The following PARD3B variants were observed in gnomAD, a reference collection of about 807,000 sequenced individuals.
The protein encoded by PARD3B is partitioning defective 3 homolog B.
Under a neutral mutation model 130.2 loss-of-function variants are expected in PARD3B, and 103 were observed. That is an observed-to-expected ratio of 0.79 (90% CI 0.67 to 0.93). PARD3B has a LOEUF of 0.93. Ranked by LOEUF, PARD3B falls within the 40% of genes least tolerant of loss-of-function variation. PARD3B has a pLI of 0.00. For synonymous variants in PARD3B, 583 were observed against 553.2 expected (o/e 1.05, Z -0.76); for missense variants, 1,609 against 1,499.2 (o/e 1.07, Z -1.21).
Position 205,564,180 on chromosome 2 carries a change from T to A in PARD3B, c.3260+10777T>A. 6.6e-6 allele frequency among the ~76,000 whole-genome samples: 1 copy of A among 152,206 alleles called. No individual in the cohort carries two copies. Among genetic ancestry groups the A allele is most frequent in the East Asian group, 1.9e-4 (1 of 5,188 alleles). On this transcript the variant is annotated intron_variant, in intron 22 of 22. Transcript: ENST00000406610. This position sits in a 1 kb window ranked among gnomAD's most constrained non-coding sequence, Gnocchi z 4.6. ...CTGCATCTGAAATTTCTGGGCTTTCTGCAGCATCAAGGTGTCTGGTACTAG... is the reference window on the plus strand; with the variant it reads ...CTGCATCTGAAATTTCTGGGCTTTCAGCAGCATCAAGGTGTCTGGTACTAG...
In PARD3B at chr2:204,711,823, C is replaced by T. The variant is rs188126908; in HGVS notation, c.222+25541C>T. On this transcript the variant is annotated intron_variant, in intron 2 of 22. Coordinates refer to ENST00000406610, the MANE Select transcript of PARD3B (RefSeq NM_001302769.2). ...TCGGCCTCCCAAAGTGCTGGGATTA[C>T]AGACGTGAGCCATTGTACCCCGCCA... is the stretch of plus-strand genomic sequence containing the variant. Among the ~76,000 whole-genome samples, 420 of 152,272 alleles carry T rather than the reference C, an allele frequency of 2.8e-3. 1 individual carries two copies. Among genetic ancestry groups the T allele is most frequent in the African/African-American group, 9.9e-3 (413 of 41,564 alleles).
chr2:204,797,312 A>T (rs2042409986), intron 2 of PARD3B, among the ~76,000 whole-genome samples: 1 of 152,074 alleles, frequency 6.6e-6, no homozygotes, highest in Non-Finnish European at 1.5e-5. Context: ...AAATTTGGTT[A>T]TGGGACTCGA....
chr2:205,310,543 A>T (rs2042343549), intron 18 of PARD3B, among the ~76,000 whole-genome samples: 1 of 151,768 alleles, frequency 6.6e-6, no homozygotes, highest in Non-Finnish European at 1.5e-5. Context: ...CTCTCTTTCC[A>T]TGAGTTCGAC....
At chr2:204,697,305 C>A (rs983975124) in intron 2 of PARD3B, among the ~76,000 whole-genome samples, 1 of 152,078 alleles carries the variant, frequency 6.6e-6, no homozygotes, top group African/African-American at 2.4e-5. Flanking sequence ...GACTGAGGAA[C>A]CTGGGACTAC....
intron 21 of PARD3B, among the ~76,000 whole-genome samples, chr2:205,547,279 G>A (rs1156753126): frequency 2.0e-5 from 3 of 152,124 alleles, no homozygotes; most frequent in African/African-American, 7.2e-5. Context: ...GCACCAGAGA[G>A]TCTGGCTTTC....
intron 19 of PARD3B, among the ~76,000 whole-genome samples, chr2:205,434,774 T>C (rs2047452313): frequency 6.6e-6 from 1 of 152,184 alleles, no homozygotes; most frequent in Non-Finnish European, 1.5e-5. Context: ...AAAGGGATCA[T>C]GAGAAATCAA....
intron 2 of PARD3B, among the ~76,000 whole-genome samples, chr2:204,695,305 A>G (rs1439265740): frequency 6.6e-6 from 1 of 151,934 alleles, no homozygotes; most frequent in African/African-American, 2.4e-5. Flanking sequence ...CTTACGAATT[A>G]CAATCTCATT....
At chr2:205,118,856 C>G in intron 6 of PARD3B, 65 bp from the exon 7 acceptor site, 1 of 1,124,896 alleles carries the variant, frequency 8.9e-7, no homozygotes, top group Non-Finnish European at 1.2e-6. Context: ...TGAATAGTTG[C>G]AAGTGGAGAA....
At chr2:205,436,429 G>A (rs1264062995) in intron 19 of PARD3B, among the ~76,000 whole-genome samples, 2 of 152,050 alleles carry the variant, frequency 1.3e-5, no homozygotes, top group Non-Finnish European at 2.9e-5. Flanking sequence ...TGTGTTAGAG[G>A]CCAGCATGAG....
At chr2:205,574,207 C>T (rs749774397) in intron 22 of PARD3B, among the ~76,000 whole-genome samples, 2 of 152,170 alleles carry the variant, frequency 1.3e-5, no homozygotes, top group Non-Finnish European at 2.9e-5. Flanking sequence ...GAACCTCATT[C>T]TTCAGGAATG....
intron 22 of PARD3B, among the ~76,000 whole-genome samples, chr2:205,601,476 T>C (rs1014758765): frequency 6.6e-6 from 1 of 152,246 alleles, no homozygotes; most frequent in Non-Finnish European, 1.5e-5. Flanking sequence ...ATAGTTTCTT[T>C]TGCTGTGGAG....
intron 16 of PARD3B, among the ~76,000 whole-genome samples, chr2:205,296,930 A>C (rs866159984): frequency 1.3e-5 from 2 of 151,836 alleles, no homozygotes; most frequent in African/African-American, 4.8e-5. Context: ...TTTAAGAGAA[A>C]ATTTGGCACC....
chr2:204,581,458 T>C (rs931926835), intron 1 of PARD3B, among the ~76,000 whole-genome samples: 1 of 152,210 alleles, frequency 6.6e-6, no homozygotes, highest in East Asian at 1.9e-4. Flanking sequence ...TATATGGATT[T>C]TTTTTTTATT....
intron 4 of PARD3B, among the ~76,000 whole-genome samples, chr2:205,082,214 T>C (rs963686930): frequency 3.3e-5 from 5 of 152,148 alleles, no homozygotes; most frequent in African/African-American, 7.2e-5. Flanking sequence ...TGTTCCCTTT[T>C]TCATTCTTGA....
intron 15 of PARD3B, among the ~76,000 whole-genome samples, chr2:205,233,281 T>C (rs1330579503): frequency 6.6e-6 from 1 of 152,022 alleles, no homozygotes; most frequent in South Asian, 2.1e-4. Context: ...GCAAAAATAT[T>C]TTTCTAAAAC....
In PARD3B at chr2:205,265,418, T is replaced by A. The variant is rs994698761; in HGVS notation, c.2185+19596T>A. Among the ~76,000 whole-genome samples, 1 of 152,048 alleles carries A rather than the reference T, an allele frequency of 6.6e-6. No homozygotes were observed. The highest frequency in any genetic ancestry group is 1.5e-5 in the Non-Finnish European group (1 of 67,952). On this transcript the variant is annotated intron_variant, in intron 16 of 22. Transcript: ENST00000406610. The surrounding 1 kb of genome is among the most constrained non-coding windows in gnomAD (Gnocchi z 4.3). ...GAAGGGCTCTGTAGCTTCTTTTTCT[T>A]CCTTGGGTTTTGATGTGCTGATGTA...
chr2:205,607,851 C>T (rs891812756), intron 22 of PARD3B, among the ~76,000 whole-genome samples: 11 of 151,498 alleles, frequency 7.3e-5, no homozygotes, highest in Admixed American at 3.9e-4. Context: ...CACACACACA[C>T]ACACACACAC....
chr2:204,869,439 C>T (rs1251976172), intron 2 of PARD3B, among the ~76,000 whole-genome samples: 4 of 152,118 alleles, frequency 2.6e-5, no homozygotes, highest in African/African-American at 9.7e-5. Context: ...CTCTGATGAT[C>T]TTTCATGTAA....
intron 2 of PARD3B, among the ~76,000 whole-genome samples, chr2:204,896,838 A>G (rs921364317): frequency 6.6e-6 from 1 of 152,194 alleles, no homozygotes; most frequent in South Asian, 2.1e-4. Context: ...GCAGAATGTC[A>G]TTGTTTGGAG....
Sources: gnomAD v4.1 joint callset for allele counts (sites outside exome capture counted in the v4.1 genomes callset) on GRCh38, gnomAD v4.1.1 for gene constraint, Gnocchi (gnomAD v3.1) non-coding constraint, MANE v1.5 for transcripts, NCBI Gene and HGNC (gene_info 2026-07-23, HGNC 2026-07-21) for gene names.